Variants in ROBO2 observed in about 807,000 individuals in gnomAD.
The protein encoded by ROBO2 is roundabout guidance receptor 2, also known as roundabout homolog 2.
A neutral mutation model predicts 160.8 loss-of-function variants in ROBO2; 53 were observed. That is an observed-to-expected ratio of 0.33 (90% confidence interval 0.26 to 0.41). The LOEUF (loss-of-function observed/expected upper bound fraction) is 0.41, where lower values mean the gene tolerates loss of function less well. Among genes scored for constraint, ROBO2 ranks in the 10% least tolerant of loss-of-function variants. The pLI, the probability that ROBO2 is intolerant of heterozygous loss-of-function variation, is 1.00. For synonymous variants in ROBO2, 664 were observed against 611.7 expected (o/e 1.09, Z -1.26); for missense variants, 1,577 against 1,722.4 (o/e 0.92, Z 1.49).
At chr3:76,384,512 T>G (rs537366190) in intron 2 of ROBO2, among the ~76,000 whole-genome samples, 2 of 152,122 alleles carry the variant, frequency 1.3e-5, no homozygotes, top group Admixed American at 1.3e-4. Context: ...AAACCGAAAT[T>G]TTGGTATTAG....
intron 2 of ROBO2, among the ~76,000 whole-genome samples, chr3:76,004,620 G>A (rs111560739): frequency 6.6e-6 from 1 of 152,048 alleles, no homozygotes; most frequent in African/African-American, 2.4e-5. Context: ...GATATCTCCG[G>A]GGTCTCTTAT....
At chr3:76,092,416 T>G (rs1228028560) in intron 2 of ROBO2, among the ~76,000 whole-genome samples, 1 of 152,098 alleles carries the variant, frequency 6.6e-6, no homozygotes, top group African/African-American at 2.4e-5. Context: ...CATCAAGGAG[T>G]CTGGTATGTC....
intron 2 of ROBO2, among the ~76,000 whole-genome samples, chr3:76,100,521 A>G (rs566359430): frequency 4.1e-4 from 63 of 152,358 alleles, no homozygotes; most frequent in African/African-American, 1.5e-3. Flanking sequence ...CTTAAAAAGT[A>G]TCATATTGAA....
At chr3:77,025,537 A>T (rs147312115) in intron 2 of ROBO2, among the ~76,000 whole-genome samples, 1 of 152,352 alleles carries the variant, frequency 6.6e-6, no homozygotes, top group South Asian at 2.1e-4. Flanking sequence ...ATTGCTCCCA[A>T]ATGAACATAA....
rs1288095228 is a variant in ROBO2 at position 76,166,851 on chromosome 3, TG to T, written c.109+229250del. Among the ~76,000 whole-genome samples the T allele has an allele frequency of 6.6e-5, 10 of 152,352 alleles. No individual in the cohort carries two copies. The East Asian group carries it at 1.9e-3, about 29-fold the overall frequency. On this transcript the variant is annotated intron_variant, in intron 2 of 26. Coordinates refer to the ROBO2 transcript ENST00000487694. The stretch of plus-strand genomic sequence containing the variant: ...TATAAAATTCTTCTGATTTCTCATT[TG>T]AAGCTTTAAGTTGGCCTGACATGTG...
chr3:77,643,152 C>T (rs1489478047), intron 24 of ROBO2, among the ~76,000 whole-genome samples: 1 of 152,198 alleles, frequency 6.6e-6, no homozygotes, highest in Admixed American at 6.5e-5. Flanking sequence ...TCCACAGGGT[C>T]TTTGATCCCA....
chr3:76,734,390 T>A (rs2093678732), intron 2 of ROBO2, among the ~76,000 whole-genome samples: 1 of 152,154 alleles, frequency 6.6e-6, no homozygotes, highest in African/African-American at 2.4e-5. Flanking sequence ...CCAGGCAAAC[T>A]GGGATGTGTA....
intron 12 of ROBO2, among the ~76,000 whole-genome samples, chr3:77,566,124 A>G (rs1485995335): frequency 2.0e-5 from 3 of 152,110 alleles, no homozygotes; most frequent in East Asian, 3.9e-4. Context: ...TATTATAATT[A>G]CAATGTAGTT....
intron 2 of ROBO2, among the ~76,000 whole-genome samples, chr3:77,327,297 G>A (rs1219203694): frequency 6.6e-6 from 1 of 152,042 alleles, no homozygotes. Flanking sequence ...CTTTTCCTTG[G>A]GAGTGCCTTC....
chr3:76,619,073 G>C, intron 2 of ROBO2, among the ~76,000 whole-genome samples: 1 of 149,972 alleles, frequency 6.7e-6, no homozygotes, highest in Admixed American at 6.6e-5. Flanking sequence ...GGGCGCGGTG[G>C]CTCACGCCTG....
chr3:77,114,004 T>A (rs1344385830), intron 2 of ROBO2, among the ~76,000 whole-genome samples: 1 of 152,186 alleles, frequency 6.6e-6, no homozygotes, highest in Admixed American at 6.5e-5. Flanking sequence ...TCCCAGCTGA[T>A]GAGAGGCAGG....
intron 2 of ROBO2, among the ~76,000 whole-genome samples, chr3:76,202,426 T>C (rs4856016): frequency 0.048 from 7,264 of 152,282 alleles, 448 homozygotes; most frequent in East Asian, 0.22. Flanking sequence ...TATTTAATAA[T>C]ACTGCTTATC....
At chr3:77,614,220 A>T (rs2094715166) in intron 21 of ROBO2, among the ~76,000 whole-genome samples, 1 of 152,176 alleles carries the variant, frequency 6.6e-6, no homozygotes, top group African/African-American at 2.4e-5. Flanking sequence ...GATGCGAAAA[A>T]CTGAAAGCAG....
At chr3:76,373,603 G>C (rs895548592) in intron 2 of ROBO2, among the ~76,000 whole-genome samples, 4 of 151,910 alleles carry the variant, frequency 2.6e-5, no homozygotes, top group Non-Finnish European at 5.9e-5. Context: ...CAGCGACTAT[G>C]ACTTGTTCAC....
chr3:76,204,070 A>G (rs1702687475), intron 2 of ROBO2, among the ~76,000 whole-genome samples: 1 of 152,170 alleles, frequency 6.6e-6, no homozygotes, highest in African/African-American at 2.4e-5. Context: ...ACCCTGATTG[A>G]TACAGTCTCT....
At chr3:76,097,024 T>C (rs1456552646) in intron 2 of ROBO2, among the ~76,000 whole-genome samples, 1 of 152,180 alleles carries the variant, frequency 6.6e-6, no homozygotes, top group African/African-American at 2.4e-5. Context: ...TAAACATAGA[T>C]TGTCTGCTAC....
chr3:76,160,555 C>A (rs929562040), intron 2 of ROBO2, among the ~76,000 whole-genome samples: 1 of 152,170 alleles, frequency 6.6e-6, no homozygotes, highest in East Asian at 1.9e-4. Context: ...GCTGTGTCAT[C>A]CCTTCTTAAA....
chr3:76,019,124 G>A lies in ROBO2; in HGVS notation c.109+81522G>A, dbSNP rs574595203. On this transcript the variant is annotated intron_variant, in intron 2 of 26. Coordinates refer to the ROBO2 transcript ENST00000487694. ...TTCTGTGCGTATCTGCGAATACTGT[G>A]TATTCCTTCAAATTGGCTAATATTT... Among the ~76,000 whole-genome samples, 27 of 151,486 alleles carry A rather than the reference G, an allele frequency of 1.8e-4. No individual in the cohort carries two copies. The South Asian group carries it at 5.2e-3, about 29-fold the overall frequency.
chr3:77,142,929 C>T (rs928691819), intron 2 of ROBO2, among the ~76,000 whole-genome samples: 1 of 152,138 alleles, frequency 6.6e-6, no homozygotes. Context: ...GCCCCTTCCT[C>T]AGCAGAAAGT....
Sources: gnomAD v4.1 joint callset for allele counts (sites outside exome capture counted in the v4.1 genomes callset) on GRCh38, gnomAD v4.1.1 for gene constraint, MANE v1.5 for transcripts, NCBI Gene and HGNC (gene_info 2026-07-23, HGNC 2026-07-21) for gene names.